Variants in ATP11B observed in about 807,000 individuals in gnomAD.
The protein encoded by ATP11B is ATPase phospholipid transporting 11B (putative), also known as phospholipid-transporting ATPase IF.
Under a neutral mutation model 157.8 loss-of-function variants are expected in ATP11B, and 81 were observed. The observed-to-expected ratio is 0.51, with a 90% CI of 0.43 to 0.62. The LOEUF (loss-of-function observed/expected upper bound fraction) is 0.62. Among genes scored for constraint, ATP11B ranks in the 20% least tolerant of loss-of-function variants. The pLI, the probability that ATP11B is intolerant of heterozygous loss-of-function variation, is 0.00. For missense variants in ATP11B, 1,165 were observed against 1,402.2 expected, an observed-to-expected ratio of 0.83 and a Z score of 2.70; for synonymous variants, 451 against 469.4, an observed-to-expected ratio of 0.96 and a Z score of 0.51.
chr3:182,906,186 C>T lies in ATP11B; in HGVS notation c.3318+7414C>T, dbSNP rs147794090. ...ATTCTAAGCTGTGAAGATATTCTCA[C>T]AACCTATTGTCTTACATTCAAGAAA... On this transcript the variant is annotated intron_variant, in intron 28 of 29. Coordinates refer to ENST00000323116, the MANE Select transcript of ATP11B (RefSeq NM_014616.3). 2.2e-4 allele frequency among the ~76,000 whole-genome samples: 33 copies of T among 152,338 alleles called. No individual in the cohort carries two copies. The East Asian group carries it at 5.2e-3, about 24-fold the overall frequency.
At chr3:182,851,309 CTT>C (rs749996490) in intron 10 of ATP11B, among the ~76,000 whole-genome samples, 5 of 152,072 alleles carry the variant, frequency 3.3e-5, no homozygotes, top group Non-Finnish European at 7.4e-5. Context: ...AAAAAAGACT[CTT>C]TATAAATATT....
At chr3:182,854,899 A>G (rs891996092) in intron 10 of ATP11B, among the ~76,000 whole-genome samples, 1 of 152,162 alleles carries the variant, frequency 6.6e-6, no homozygotes, top group Non-Finnish European at 1.5e-5. Context: ...TGAAAATTAC[A>G]AAACACTGAG....
chr3:182,874,133 GT>G, intron 19 of ATP11B, 118 bp downstream of exon 19: 2 of 820,122 alleles, frequency 2.4e-6, no homozygotes, highest in Non-Finnish European at 3.7e-6. Context: ...GCTAAAAGTA[GT>G]TTTTACATTT....
At position 182,918,068 on chromosome 3, in the gene ATP11B, C is replaced by T. The variant is rs1405594871; in HGVS notation, c.3498C>T (p.Ile1166=). The T allele has an allele frequency of 7.4e-6, 12 of 1,613,294 alleles. No homozygotes were observed. Among genetic ancestry groups the T allele is most frequent in the Non-Finnish European group, 9.3e-6 (11 of 1,179,562 alleles). ...CTTTCTATACCAACGACAGGAGCATCTTGACTCTCTCCACAATGGACTCAT... is the reference window on the plus strand; with the variant it reads ...CTTTCTATACCAACGACAGGAGCATTTTGACTCTCTCCACAATGGACTCAT... The part of the protein sequence containing the change: ...SDPFYTNDRS[I]LTLSTMDSST... Residue 1166 remains isoleucine, a synonymous_variant, in exon 30 of 30, where the codon ATC becomes ATT. Coordinates refer to ENST00000323116, the MANE Select transcript of ATP11B (RefSeq NM_014616.3).
At chr3:182,844,586 T>G in intron 8 of ATP11B, 4 of 983,194 alleles carry the variant, frequency 4.1e-6, no homozygotes, top group Non-Finnish European at 4.8e-6. Context: ...CTTCAAGAAG[T>G]ATGCAATGCA....
At chr3:182,865,150 C>T (rs1721134786) in intron 12 of ATP11B, among the ~76,000 whole-genome samples, 1 of 152,084 alleles carries the variant, frequency 6.6e-6, no homozygotes. Flanking sequence ...CTTAAAATAC[C>T]TTAGCCAAGA....
chr3:182,798,637 C>A (rs1715783160), intron 1 of ATP11B, among the ~76,000 whole-genome samples: 1 of 152,180 alleles, frequency 6.6e-6, no homozygotes, highest in East Asian at 1.9e-4. Flanking sequence ...CTCTAAAGAG[C>A]CTTATGATTA....
chr3:182,820,620 G>C (rs555455979), intron 2 of ATP11B, among the ~76,000 whole-genome samples: 1 of 152,156 alleles, frequency 6.6e-6, no homozygotes, highest in Admixed American at 6.5e-5. Context: ...AGTGAGCTGT[G>C]ATTGTGCCAC....
intron 1 of ATP11B, among the ~76,000 whole-genome samples, chr3:182,794,102 G>C (rs943323205): frequency 5.3e-5 from 8 of 152,222 alleles, no homozygotes; most frequent in African/African-American, 9.6e-5. Context: ...AGTCCCGAGC[G>C]GGGTGGCGGT....
At chr3:182,906,368 CA>C (rs1289828990) in intron 28 of ATP11B, among the ~76,000 whole-genome samples, 1 of 152,132 alleles carries the variant, frequency 6.6e-6, no homozygotes, top group Non-Finnish European at 1.5e-5. Context: ...GTTGAATGAT[CA>C]AAGAGTAGGG....
intron 1 of ATP11B, among the ~76,000 whole-genome samples, chr3:182,803,317 C>A (rs186103979): frequency 6.6e-6 from 1 of 152,170 alleles, no homozygotes; most frequent in Admixed American, 6.5e-5. Flanking sequence ...TGGTGAGATG[C>A]AGGTATCCTC....
chr3:182,918,185 G>T lies in ATP11B; in HGVS notation c.*81G>T. 6.4e-7 allele frequency: 1 copy of T among 1,566,018 alleles called. No homozygotes were observed. Among genetic ancestry groups the T allele is most frequent in the Non-Finnish European group, 8.7e-7 (1 of 1,155,232 alleles). On this transcript the variant is annotated 3_prime_UTR_variant, in exon 30 of 30. Coordinates refer to ENST00000323116, the MANE Select transcript of ATP11B (RefSeq NM_014616.3). ...GATCACCCTGTTAATGGCCACACTA[G>T]CTCTGAAATTAATTTCCAAAATCTT...
chr3:182,842,031 C>A, intron 7 of ATP11B, 44 bp from the exon 8 acceptor site: 1 of 1,268,454 alleles, frequency 7.9e-7, no homozygotes, highest in South Asian at 1.3e-5. Context: ...CCATTGATGT[C>A]ATAAGTGATA....
intron 10 of ATP11B, among the ~76,000 whole-genome samples, chr3:182,853,197 A>C (rs541040091): frequency 6.6e-6 from 1 of 152,130 alleles, no homozygotes; most frequent in Non-Finnish European, 1.5e-5. Flanking sequence ...AAGGTAAATA[A>C]AGAGAAACCT....
intron 22 of ATP11B, among the ~76,000 whole-genome samples, chr3:182,885,460 A>G (rs1722736518): frequency 6.6e-6 from 1 of 152,140 alleles, no homozygotes; most frequent in South Asian, 2.1e-4. Context: ...ATAGAACACA[A>G]GTAGATTGCA....
chr3:182,815,183 A>T (rs1560060201), intron 1 of ATP11B, among the ~76,000 whole-genome samples: 2 of 152,236 alleles, frequency 1.3e-5, no homozygotes, highest in African/African-American at 2.4e-5. Flanking sequence ...GGAAGACCGG[A>T]CTGGTCTGAT....
chr3:182,887,271 A>C (rs1577078660), intron 23 of ATP11B, among the ~76,000 whole-genome samples: 1 of 152,306 alleles, frequency 6.6e-6, no homozygotes, highest in South Asian at 2.1e-4. Context: ...GAATACATGG[A>C]GGAGAATTAT....
intron 24 of ATP11B, among the ~76,000 whole-genome samples, chr3:182,888,524 CT>C (rs1225431897): frequency 6.6e-6 from 1 of 151,898 alleles, no homozygotes; most frequent in South Asian, 2.1e-4. Flanking sequence ...TGTCATATTT[CT>C]TTTTTTCTTT....
chr3:182,839,196 C>T (rs1178498473), intron 7 of ATP11B, among the ~76,000 whole-genome samples: 1 of 152,296 alleles, frequency 6.6e-6, no homozygotes, highest in South Asian at 2.1e-4. Flanking sequence ...AAACCAAATA[C>T]TGCATATCCT....
Sources: gnomAD v4.1 joint callset for allele counts (sites outside exome capture counted in the v4.1 genomes callset) on GRCh38, gnomAD v4.1.1 for gene constraint, MANE v1.5 for transcripts, NCBI Gene and HGNC (gene_info 2026-07-23, HGNC 2026-07-21) for gene names.